The following CADM2 variants were observed in gnomAD, a reference collection of about 807,000 sequenced individuals.
CADM2 encodes cell adhesion molecule 2.
Under a neutral mutation model 49.8 loss-of-function variants are expected in CADM2, and 12 were observed. The observed-to-expected ratio is 0.24, with a 90% confidence interval of 0.15 to 0.39. The LOEUF (loss-of-function observed/expected upper bound fraction) is 0.39. Among genes scored for constraint, CADM2 ranks in the 10% least tolerant of loss-of-function variants. CADM2 has a pLI of 1.00. For synonymous variants in CADM2, 214 were observed against 175.4 expected (o/e 1.22, Z -1.74); for missense variants, 378 against 492.3 (o/e 0.77, Z 2.20).
chr3:85,165,613 G>T (rs1268955068), intron 1 of CADM2, among the ~76,000 whole-genome samples: 1 of 151,762 alleles, frequency 6.6e-6, no homozygotes, highest in East Asian at 1.9e-4. Flanking sequence ...CTTTGCTTTG[G>T]TATGTCTTAG....
chr3:85,376,108 C>T (rs1221220580), intron 1 of CADM2, among the ~76,000 whole-genome samples: 1 of 151,870 alleles, frequency 6.6e-6, no homozygotes, highest in African/African-American at 2.4e-5. Context: ...CAAAGAACAC[C>T]CAAGTTCCTT....
At chr3:86,039,976 C>G (rs921643127) in intron 8 of CADM2, among the ~76,000 whole-genome samples, 6 of 152,188 alleles carry the variant, frequency 3.9e-5, no homozygotes, top group Admixed American at 3.3e-4. Context: ...CAAACAGGGT[C>G]TGGAGTGGAC....
At chr3:85,170,984 T>G (rs2040610238) in intron 1 of CADM2, among the ~76,000 whole-genome samples, 1 of 152,302 alleles carries the variant, frequency 6.6e-6, no homozygotes, top group African/African-American at 2.4e-5. Flanking sequence ...CCTTAGGTTG[T>G]CACAATTCTA....
At chr3:85,268,959 T>G (rs1456164050) in intron 1 of CADM2, among the ~76,000 whole-genome samples, 1 of 151,366 alleles carries the variant, frequency 6.6e-6, no homozygotes, top group Admixed American at 6.6e-5. Context: ...TTCTTCAAAT[T>G]TTGGAATGAA....
At chr3:85,809,118 A>G (rs2072645432) in intron 3 of CADM2, among the ~76,000 whole-genome samples, 1 of 152,224 alleles carries the variant, frequency 6.6e-6, no homozygotes, top group African/African-American at 2.4e-5. Context: ...AAAATGTGAA[A>G]TTAATAATGA....
intron 1 of CADM2, among the ~76,000 whole-genome samples, chr3:85,583,133 C>T (rs915483116): frequency 6.6e-6 from 1 of 152,074 alleles, no homozygotes; most frequent in Non-Finnish European, 1.5e-5. Context: ...TTCATGACAA[C>T]TGGCAGTCTT....
intron 1 of CADM2, among the ~76,000 whole-genome samples, chr3:85,103,456 A>T (rs970318727): frequency 2.0e-5 from 3 of 152,170 alleles, no homozygotes; most frequent in Non-Finnish European, 4.4e-5. Context: ...GGAGCACAAG[A>T]TAAATGACCC....
chr3:85,000,114 T>TTCTCTCTCTCTCTCTCTCTCTCTCTC (rs59094520), intron 1 of CADM2, among the ~76,000 whole-genome samples: 2 of 136,832 alleles, frequency 1.5e-5, no homozygotes, highest in Admixed American at 1.5e-4. Context: ...TGCTTCTACT[T>TTCTCTCTCTCTCTCTCTCTCTCTCTC]TCTCTCTCTC....
chr3:85,237,094 G>T (rs2042424392), intron 1 of CADM2, among the ~76,000 whole-genome samples: 1 of 151,982 alleles, frequency 6.6e-6, no homozygotes. Context: ...GATCTATTAA[G>T]TAATTTGCTC....
At chr3:85,571,595 A>T (rs975158251) in intron 1 of CADM2, among the ~76,000 whole-genome samples, 5 of 152,214 alleles carry the variant, frequency 3.3e-5, no homozygotes, top group African/African-American at 1.2e-4. Context: ...CATTATTTGT[A>T]TATTTGTATA....
At chr3:85,800,002 A>G (rs1308352535) in intron 2 of CADM2, 2 of 152,246 alleles carry the variant, frequency 1.3e-5, no homozygotes, top group African/African-American at 2.4e-5. Context: ...CCTTTCCCCA[A>G]GGGCTCTGTC....
chr3:85,990,519 C>T lies in CADM2; in HGVS notation c.970+28872C>T, dbSNP rs74630177. On this transcript the variant is annotated intron_variant, in intron 8 of 9. Transcript: ENST00000383699. Reference sequence around the variant, plus strand: ...GCAGGCTGCGTTGGGAAAAGACAGACTCTAGAGGATAGAGGACGCATTATG... The same window carrying T: ...GCAGGCTGCGTTGGGAAAAGACAGATTCTAGAGGATAGAGGACGCATTATG... 5.3e-3 allele frequency among the ~76,000 whole-genome samples: 807 copies of T among 152,250 alleles called. 8 individuals carry two copies. The highest frequency in any genetic ancestry group is 0.048 in the East Asian group (248 of 5,166).
intron 7 of CADM2, among the ~76,000 whole-genome samples, chr3:85,938,561 G>A (rs73843517): frequency 0.066 from 9,974 of 151,960 alleles, 882 homozygotes; most frequent in African/African-American, 0.2. Context: ...TACAAGAGTG[G>A]GAGTGAAAAT....
intron 1 of CADM2, among the ~76,000 whole-genome samples, chr3:85,465,594 G>C (rs1311124160): frequency 6.6e-6 from 1 of 152,000 alleles, no homozygotes; most frequent in Non-Finnish European, 1.5e-5. Context: ...TTACCAATTT[G>C]GAAATTAAGA....
At chr3:85,377,165 G>A (rs993351117) in intron 1 of CADM2, among the ~76,000 whole-genome samples, 2 of 152,040 alleles carry the variant, frequency 1.3e-5, no homozygotes, top group Middle Eastern at 3.4e-3. Context: ...ATATTTATGC[G>A]ACCTTCTTTT....
intron 1 of CADM2, among the ~76,000 whole-genome samples, chr3:85,061,460 T>A (rs191238884): frequency 6.2e-4 from 94 of 152,228 alleles, no homozygotes; most frequent in African/African-American, 2.2e-3. Flanking sequence ...TTACGTAACA[T>A]TTGGGGAAAA....
intron 4 of CADM2, among the ~76,000 whole-genome samples, chr3:85,885,831 G>A (rs74575483): frequency 0.018 from 2,196 of 120,828 alleles, 56 homozygotes; most frequent in African/African-American, 0.068. Flanking sequence ...CATCCTGGGC[G>A]ACAGAGCAAG....
chr3:85,062,785 A>G (rs893091872), intron 1 of CADM2, among the ~76,000 whole-genome samples: 1 of 152,010 alleles, frequency 6.6e-6, no homozygotes, highest in East Asian at 1.9e-4. Context: ...AAAATTCTCA[A>G]CCCTAATGAT....
At chr3:85,456,945 T>A (rs1158241283) in intron 1 of CADM2, among the ~76,000 whole-genome samples, 1 of 152,000 alleles carries the variant, frequency 6.6e-6, no homozygotes, top group Non-Finnish European at 1.5e-5. Context: ...AAACAGTTGA[T>A]AAAGTAGTAT....
Sources: gnomAD v4.1 joint callset for allele counts (sites outside exome capture counted in the v4.1 genomes callset) on GRCh38, gnomAD v4.1.1 for gene constraint, MANE v1.5 for transcripts, NCBI Gene and HGNC (gene_info 2026-07-23, HGNC 2026-07-21) for gene names.